FBRSL1: variants seen among roughly 807,000 people sequenced by gnomAD.
FBRSL1 encodes the protein fibrosin-1-like protein.
In FBRSL1, 51 loss-of-function variants were observed where a neutral mutation model predicts 89.6. That is an observed-to-expected ratio of 0.57 (90% CI 0.45 to 0.72). The LOEUF is 0.72. FBRSL1 is among the 30% of genes least tolerant of loss of function. FBRSL1 has a pLI of 0.00. For missense variants in FBRSL1, 1,618 were observed against 1,451.8 expected (o/e 1.11, Z -1.86); for synonymous variants, 779 against 681.1 (o/e 1.14, Z -2.24).
In FBRSL1 at chr12:132,526,514, C is replaced by T. The variant is rs894604082; in HGVS notation, c.579+691C>T. Among the ~76,000 whole-genome samples the T allele has an allele frequency of 5.9e-5, 9 of 152,140 alleles. No individual in the cohort carries two copies. In the South Asian group the frequency reaches 8.3e-4, roughly 14 times the overall value. On this transcript the variant is annotated intron_variant, in intron 3 of 18. Coordinates refer to ENST00000680143, the MANE Select transcript of FBRSL1 (RefSeq NM_001367871.1). ...CACCCCTCTGGCAGCTGGGAGCTGG[C>T]GGGTGGGCCCATCGGGACCCAGGGC...
intron 6 of FBRSL1, 131 bp downstream of exon 6, chr12:132,567,657 G>T (rs775985599): frequency 4.8e-4 from 452 of 932,332 alleles, no homozygotes; most frequent in Non-Finnish European, 6.9e-4. Flanking sequence ...GAGCTGGGTG[G>T]GACCAGGGTG....
intron 4 of FBRSL1, among the ~76,000 whole-genome samples, chr12:132,541,288 G>A (rs1372789854): frequency 2.0e-5 from 3 of 152,152 alleles, no homozygotes; most frequent in Non-Finnish European, 4.4e-5. Flanking sequence ...CCACTCAGTG[G>A]GCCCCACCCA....
At chr12:132,551,695 C>A in intron 5 of FBRSL1, 1 of 413,910 alleles carries the variant, frequency 2.4e-6, no homozygotes, top group Admixed American at 2.4e-5. Context: ...CTCTCCACCA[C>A]CTCCCTCACA....
At chr12:132,536,904 A>G (rs1275857414) in intron 4 of FBRSL1, among the ~76,000 whole-genome samples, 2 of 152,230 alleles carry the variant, frequency 1.3e-5, no homozygotes, top group Non-Finnish European at 2.9e-5. Flanking sequence ...TGTGTACGTA[A>G]CGGTGTCTTT....
At position 132,499,237 on chromosome 12, in the gene FBRSL1, CGGGCAGGGGTGGTGCT is replaced by C. The variant is rs1440858566; in HGVS notation, c.291+8379_291+8394del. Among the ~76,000 whole-genome samples, 2 of 151,232 alleles carry C rather than the reference CGGGCAGGGGTGGTGCT, an allele frequency of 1.3e-5. No individual in the cohort carries two copies. Among genetic ancestry groups the C allele is most frequent in the African/African-American group, 2.4e-5 (1 of 41,062 alleles). Reference sequence around the variant, plus strand: ...GGATGGTGCCGGGCAGGGGTGGTGCCGGGCAGGGGTGGTGCTGGACCTCTGGGAGAGGCCAGGTGAG... The same window carrying C: ...GGATGGTGCCGGGCAGGGGTGGTGCCGGACCTCTGGGAGAGGCCAGGTGAG... On this transcript the variant is annotated intron_variant, in intron 1 of 18. Transcript: ENST00000680143. The surrounding 1 kb of genome is among the most constrained non-coding windows in gnomAD (Gnocchi z 4.3).
rs199675279 is a variant in FBRSL1 at position 132,536,399 on chromosome 12, A to G, written c.615+8411A>G. Among the ~76,000 whole-genome samples, 1,786 of 147,750 alleles carry G rather than the reference A, an allele frequency of 0.012. 45 individuals carry two copies. The East Asian group carries it at 0.12, about 10-fold the overall frequency. Reference sequence around the variant, plus strand: ...GTGTGTGTGCCATGTGTACATGACAATATGATTCTGTACATGATGGTGTGT... The same window carrying G: ...GTGTGTGTGCCATGTGTACATGACAGTATGATTCTGTACATGATGGTGTGT... On this transcript the variant is annotated intron_variant, in intron 4 of 18. Transcript: ENST00000680143.
rs149729395 is a variant in FBRSL1, at chr12:132,570,301, C to T, written c.1008-34C>T. ...CTCAGGATGGGGGCTCTGCAGGGGT[C>T]GGGCTGGCAGGCACTGAGCCCCGTG... On this transcript the variant is annotated intron_variant, in intron 7 of 18. Transcript: ENST00000680143. 11,158 of 1,518,318 alleles carry T rather than the reference C, an allele frequency of 7.3e-3. 69 individuals are homozygous for T. The highest frequency in any genetic ancestry group is 8.3e-3 in the Non-Finnish European group (9,420 of 1,137,096). 94.1% of individuals were successfully genotyped at this position (1,518,318 alleles called of 1,614,324 possible). A position where few individuals can be genotyped will look rare whatever the true frequency, so the allele number is the denominator to read the frequency against.
Position 132,583,394 on chromosome 12 carries a change from C to T in FBRSL1, c.2625C>T (p.Ala875=). 1.8e-6 allele frequency: 2 copies of T among 1,084,058 alleles called. No individual in the cohort carries two copies. The highest frequency in any genetic ancestry group is 2.2e-6 in the Non-Finnish European group (2 of 893,030). 67.2% of individuals were successfully genotyped at this position (1,084,058 alleles called of 1,614,324 possible). A position where few individuals can be genotyped will look rare whatever the true frequency, so the allele number is the denominator to read the frequency against. Residue 875 remains alanine, a synonymous_variant, in exon 19 of 19, where the codon GCC becomes GCT. Transcript: ENST00000680143. Reference sequence around the variant, plus strand: ...CTGCCGCCCCCGCCCCGGGCTCCGCCGCCCTCTTGGAGCCCCCGGAGCGCC... The same window carrying T: ...CTGCCGCCCCCGCCCCGGGCTCCGCTGCCCTCTTGGAGCCCCCGGAGCGCC... ...FPAAAPAPGS[A]ALLEPPERPY...
chr12:132,553,098 C>T (rs898059012), intron 5 of FBRSL1: 2 of 152,730 alleles, frequency 1.3e-5, no homozygotes, highest in African/African-American at 2.4e-5. Context: ...CCACCCACCC[C>T]AGCCCACTTC....
intron 2 of FBRSL1, among the ~76,000 whole-genome samples, chr12:132,517,420 G>A (rs999091159): frequency 4.3e-4 from 66 of 152,200 alleles, no homozygotes; most frequent in South Asian, 1.2e-3. Flanking sequence ...CACTCTGGTC[G>A]GGAAGGCTCT....
chr12:132,576,239 C>T (rs997670186), intron 14 of FBRSL1, among the ~76,000 whole-genome samples: 1 of 138,432 alleles, frequency 7.2e-6, no homozygotes, highest in Admixed American at 7.0e-5. Context: ...GTCACCCAGG[C>T]TAGAGTGCAG....
chr12:132,494,208 C>T (rs1208125941), intron 1 of FBRSL1, among the ~76,000 whole-genome samples: 1 of 152,186 alleles, frequency 6.6e-6, no homozygotes, highest in Non-Finnish European at 1.5e-5. Context: ...CTTTTGTTTC[C>T]TGTGACAACT....
intron 2 of FBRSL1, among the ~76,000 whole-genome samples, chr12:132,516,720 G>A (rs923724754): frequency 2.0e-5 from 3 of 152,128 alleles, no homozygotes; most frequent in African/African-American, 2.4e-5. Context: ...AAAAAAAGCC[G>A]CCTGTAAATA....
Position 132,576,948 on chromosome 12 carries a change from G to A in FBRSL1, c.1834+17G>A, listed in dbSNP as rs2040419064. The A allele has an allele frequency of 6.5e-7, 1 of 1,543,328 alleles. No homozygotes were observed. On this transcript the variant is annotated intron_variant, in intron 15 of 18. Transcript: ENST00000680143. ...CCAGCACAGGTGAGACTGGAGTCGG[G>A]CCAGGTGGGGGGCACAGAAACCTCC...
Position 132,583,898 on chromosome 12 carries a change from C to G in FBRSL1, c.*120C>G. ...GGCGGCGCCGCCTCTCCACCCGCAG[C>G]CTGCGGAGGCGGGGACTTGGGTGTC... On this transcript the variant is annotated 3_prime_UTR_variant, in exon 19 of 19. Transcript: ENST00000680143. 2.3e-6 allele frequency: 1 copy of G among 438,902 alleles called. No individual in the cohort carries two copies. The highest frequency in any genetic ancestry group is 3.4e-6 in the Non-Finnish European group (1 of 296,730). The allele number at this position is 438,902 out of a possible 1,614,324, so 27.2% of individuals were successfully genotyped here. A position where few individuals can be genotyped will look rare whatever the true frequency, so the allele number is the denominator to read the frequency against.
In FBRSL1 at chr12:132,576,805, C is replaced by G. The variant is rs757578539; in HGVS notation, c.1708C>G (p.Gln570Glu). 2.6e-6 allele frequency: 4 copies of G among 1,550,644 alleles called. No homozygotes were observed. The African/African-American group carries it at 4.1e-5, about 16-fold the overall frequency. Residue 570 changes from glutamine to glutamate, a missense_variant, in exon 15 of 19, where the codon CAG becomes GAG. By Grantham distance (29) the Gln-to-Glu change is conservative. Coordinates refer to ENST00000680143, the MANE Select transcript of FBRSL1 (RefSeq NM_001367871.1). ...YRHQQKIKEM[Q>E]LDPHKLEVGA... ...ACCCGTTCTATCCTCCCAGGAGATGCAGCTGGACCCCCACAAGCTGGAGGT... is the reference window on the plus strand; with the variant it reads ...ACCCGTTCTATCCTCCCAGGAGATGGAGCTGGACCCCCACAAGCTGGAGGT...
intron 4 of FBRSL1, among the ~76,000 whole-genome samples, chr12:132,544,420 C>G (rs2037511420): frequency 6.6e-6 from 1 of 152,130 alleles, no homozygotes; most frequent in South Asian, 2.1e-4. Context: ...CCTTGGCCAT[C>G]AGGGTCATAG....
rs77431039 is a variant in FBRSL1 at position 132,499,869 on chromosome 12, G to A, written c.292-8284G>A. Among the ~76,000 whole-genome samples, 1 of 152,178 alleles carries A rather than the reference G, an allele frequency of 6.6e-6. No homozygotes were observed. Among genetic ancestry groups the A allele is most frequent in the African/African-American group, 2.4e-5 (1 of 41,440 alleles). ...GGGACAGAACGGCCTCTGAGCCCCA[G>A]CTCCGTTGGCGCAGCAGAGCTGTGC... On this transcript the variant is annotated intron_variant, in intron 1 of 18. Coordinates refer to ENST00000680143, the MANE Select transcript of FBRSL1 (RefSeq NM_001367871.1). This position sits in a 1 kb window ranked among gnomAD's most constrained non-coding sequence, Gnocchi z 4.3.
chr12:132,572,241 AC>A (rs749572759), intron 9 of FBRSL1, 46 bp from the exon 10 acceptor site: 28 of 1,527,714 alleles, frequency 1.8e-5, no homozygotes, highest in Non-Finnish European at 1.8e-6. Context: ...GGGCCCAGCA[AC>A]GGTGTCGTGT....
Sources: gnomAD v4.1 joint callset for allele counts (sites outside exome capture counted in the v4.1 genomes callset) on GRCh38, gnomAD v4.1.1 for gene constraint, Gnocchi (gnomAD v3.1) non-coding constraint, MANE v1.5 for transcripts, NCBI Gene and HGNC (gene_info 2026-07-23, HGNC 2026-07-21) for gene names.